The following CDH9 variants were observed in gnomAD, a reference collection of about 807,000 sequenced individuals.
CDH9 encodes cadherin 9.
Under a neutral mutation model 70.9 loss-of-function variants are expected in CDH9, and 28 were observed. That is an observed-to-expected ratio of 0.40 (90% CI 0.29 to 0.54). The LOEUF is 0.54. CDH9 is among the 20% of genes least tolerant of loss of function. The pLI is 0.59. For missense variants in CDH9, 874 were observed against 984.4 expected, an observed-to-expected ratio of 0.89 and a Z score of 1.50; for synonymous variants, 409 against 343.1, an observed-to-expected ratio of 1.19 and a Z score of -2.12.
intron 3 of CDH9, among the ~76,000 whole-genome samples, chr5:26,911,381 T>C (rs1008434083): frequency 2.6e-5 from 4 of 152,150 alleles, no homozygotes; most frequent in African/African-American, 7.2e-5. Flanking sequence ...TACAATTGGA[T>C]ACATTATTGA....
At chr5:27,012,263 GTTA>G (rs554734193) in intron 1 of CDH9, among the ~76,000 whole-genome samples, 25 of 151,804 alleles carry the variant, frequency 1.6e-4, no homozygotes, top group African/African-American at 6.0e-4. Context: ...TTTTATTTGT[GTTA>G]TTATTGTTAC....
At chr5:27,003,082 T>C (rs1742799642) in intron 1 of CDH9, among the ~76,000 whole-genome samples, 1 of 152,094 alleles carries the variant, frequency 6.6e-6, no homozygotes, top group African/African-American at 2.4e-5. Context: ...GATTTTGAAA[T>C]ATTTACGTTA....
intron 2 of CDH9, among the ~76,000 whole-genome samples, chr5:26,983,441 G>A (rs771251421): frequency 7.2e-5 from 11 of 152,312 alleles, no homozygotes; most frequent in Non-Finnish European, 1.6e-4. Context: ...GATAAGTTTA[G>A]TGTGCTAAAG....
intron 1 of CDH9, among the ~76,000 whole-genome samples, chr5:27,021,251 A>C (rs531519999): frequency 6.6e-6 from 1 of 151,850 alleles, no homozygotes; most frequent in Non-Finnish European, 1.5e-5. Flanking sequence ...CATGAATTGC[A>C]CACTGTGTCT....
intron 4 of CDH9, among the ~76,000 whole-genome samples, 187 bp downstream of exon 4, chr5:26,906,532 T>A (rs1740951800): frequency 6.6e-6 from 1 of 152,152 alleles, no homozygotes; most frequent in Admixed American, 6.6e-5. Context: ...TTTAAAGAGC[T>A]AAGGGTTCAA....
intron 2 of CDH9, among the ~76,000 whole-genome samples, chr5:26,945,032 C>A (rs1024313642): frequency 1.1e-4 from 16 of 152,070 alleles, no homozygotes; most frequent in African/African-American, 3.6e-4. Flanking sequence ...TATTTGTACT[C>A]CAGTGTGTTT....
At chr5:26,984,245 G>C (rs563966158) in intron 2 of CDH9, among the ~76,000 whole-genome samples, 12 of 152,216 alleles carry the variant, frequency 7.9e-5, no homozygotes, top group African/African-American at 2.6e-4. Flanking sequence ...GCTACCTATA[G>C]ATGGCTCATT....
intron 1 of CDH9, among the ~76,000 whole-genome samples, chr5:26,999,537 G>A (rs1317517519): frequency 1.3e-5 from 2 of 152,114 alleles, no homozygotes; most frequent in South Asian, 4.1e-4. Context: ...ACAGACGATA[G>A]GGTCATTAAA....
At chr5:26,961,621 T>A (rs1342973817) in intron 2 of CDH9, among the ~76,000 whole-genome samples, 1 of 152,046 alleles carries the variant, frequency 6.6e-6, no homozygotes, top group Admixed American at 6.6e-5. Context: ...TCCATGTAAT[T>A]CCAAATATTT....
Position 26,903,722 on chromosome 5 carries a change from T to C in CDH9, c.914A>G (p.Tyr305Cys). ...TGCACCATCTCCTTCAGCAATGCTA[T>C]ACTCCATTTCTGCATTTTCCCCCAC... ...PDVGENAEME[Y>C]SIAEGDGADM... Residue 305 changes from tyrosine to cysteine, a missense_variant, in exon 6 of 12, where the codon TAT (tyrosine) becomes TGT (cysteine). By Grantham distance (194) the Tyr-to-Cys change is radical. Coordinates refer to ENST00000231021, the MANE Select transcript of CDH9 (RefSeq NM_016279.4). 6.2e-7 allele frequency: 1 copy of C among 1,607,174 alleles called. No homozygotes were observed. Among genetic ancestry groups the C allele is most frequent in the South Asian group, 1.1e-5 (1 of 90,286 alleles).
chr5:26,911,342 C>T, intron 3 of CDH9, among the ~76,000 whole-genome samples: 2 of 152,038 alleles, frequency 1.3e-5, no homozygotes, highest in African/African-American at 4.8e-5. Context: ...AATACTTTAC[C>T]AAACGGCCTA....
chr5:26,903,389 C>T, intron 6 of CDH9: 2 of 596,220 alleles, frequency 3.4e-6, no homozygotes, highest in South Asian at 3.4e-5. Context: ...AAAACAAGTA[C>T]CTTGAAGTTT....
At chr5:26,994,411 C>T (rs1390499820) in intron 1 of CDH9, among the ~76,000 whole-genome samples, 1 of 152,034 alleles carries the variant, frequency 6.6e-6, no homozygotes, top group Non-Finnish European at 1.5e-5. Context: ...GAGGTGGGGC[C>T]TTTAGGAGAT....
At chr5:27,029,077 T>C (rs929588188) in intron 1 of CDH9, among the ~76,000 whole-genome samples, 1 of 152,050 alleles carries the variant, frequency 6.6e-6, no homozygotes, top group Non-Finnish European at 1.5e-5. Flanking sequence ...TCTCACTCAA[T>C]TTGACAACAT....
At chr5:26,901,024 C>T (rs1740845827) in intron 7 of CDH9, among the ~76,000 whole-genome samples, 1 of 151,968 alleles carries the variant, frequency 6.6e-6, no homozygotes, top group Non-Finnish European at 1.5e-5. Flanking sequence ...CACAAATCTA[C>T]ATTGCTTTGG....
chr5:26,990,218 C>G (rs1397597156), intron 1 of CDH9, among the ~76,000 whole-genome samples: 1 of 152,122 alleles, frequency 6.6e-6, no homozygotes, highest in Non-Finnish European at 1.5e-5. Flanking sequence ...GACATGGGTC[C>G]AACTCAGCAG....
At chr5:26,993,069 C>G (rs1046229213) in intron 1 of CDH9, among the ~76,000 whole-genome samples, 1 of 142,846 alleles carries the variant, frequency 7.0e-6, no homozygotes, top group Middle Eastern at 4.0e-3. Flanking sequence ...CCATTGCACT[C>G]TAACCTGGGC....
At chr5:27,030,440 A>G (rs921836149) in intron 1 of CDH9, among the ~76,000 whole-genome samples, 3 of 151,726 alleles carry the variant, frequency 2.0e-5, no homozygotes, top group Admixed American at 1.3e-4. Context: ...CCGTCTTTGA[A>G]GTAAAAGAGT....
rs146644878 is a variant in CDH9 at position 26,902,667 on chromosome 5, A to T, written c.1062T>A (p.Pro354=). The stretch of plus-strand genomic sequence containing the variant: ...GTCCCAGGTGTAAGAATCGTGGATC[A>T]GGGTGAGTGTTACTTGCATCCACTC... ...TLRVDASNTH[P]DPRFLHLGPF... The change falls in exon 7 of 12, where the codon CCT becomes CCA. Residue 354 remains proline, a synonymous_variant. Transcript: ENST00000231021. 2 of 1,582,200 alleles carry T rather than the reference A, an allele frequency of 1.3e-6. No individual in the cohort carries two copies. Among genetic ancestry groups the T allele is most frequent in the African/African-American group, 2.7e-5 (2 of 74,216 alleles).
Sources: allele counts gnomAD v4.1 joint callset (sites outside exome capture counted in the v4.1 genomes callset), GRCh38; gene constraint gnomAD v4.1.1; transcripts MANE v1.5; gene names NCBI Gene and HGNC (gene_info 2026-07-23, HGNC 2026-07-21).